Variants in SLC17A6 observed in about 807,000 individuals in gnomAD.
SLC17A6 encodes the protein solute carrier family 17 member 6.
SLC17A6 carries 35 observed loss-of-function variants against 67.1 expected under a neutral mutation model. The observed-to-expected ratio is 0.52, with a 90% confidence interval of 0.40 to 0.69. The LOEUF is 0.69. SLC17A6 is among the 30% of genes least tolerant of loss of function. The pLI, the probability that SLC17A6 is intolerant of heterozygous loss-of-function variation, is 0.00. For missense variants in SLC17A6, 588 were observed against 723.9 expected (o/e 0.81, Z 2.15); for synonymous variants, 285 against 252.3 (o/e 1.13, Z -1.23).
At chr11:22,371,306 C>T (rs1856172383) in intron 8 of SLC17A6, among the ~76,000 whole-genome samples, 1 of 152,036 alleles carries the variant, frequency 6.6e-6, no homozygotes, top group African/African-American at 2.4e-5. Context: ...TATTCATATT[C>T]TATCTCTACT....
intron 3 of SLC17A6, among the ~76,000 whole-genome samples, chr11:22,355,296 G>A (rs1316602563): frequency 6.6e-6 from 1 of 152,142 alleles, no homozygotes; most frequent in Non-Finnish European, 1.5e-5. Context: ...GAAGTTTAGG[G>A]AAGTTAAACA....
chr11:22,346,618 A>C (rs1295330977), intron 3 of SLC17A6, among the ~76,000 whole-genome samples: 1 of 151,628 alleles, frequency 6.6e-6, no homozygotes, highest in Non-Finnish European at 1.5e-5. Context: ...TTAATGTTTT[A>C]AGATGAGAAC....
At chr11:22,339,986 A>C (rs1486094307) in intron 1 of SLC17A6, among the ~76,000 whole-genome samples, 1 of 152,116 alleles carries the variant, frequency 6.6e-6, no homozygotes, top group East Asian at 1.9e-4. Context: ...TTGTGATCGG[A>C]CTTTAAGAAT....
In SLC17A6 at chr11:22,377,723, C is replaced by T. The variant is rs770125414; in HGVS notation, c.1732C>T (p.Arg578Ter). The T allele has an allele frequency of 5.7e-6, 9 of 1,571,538 alleles. No individual in the cohort carries two copies. Among genetic ancestry groups the T allele is most frequent in the South Asian group, 1.2e-5 (1 of 84,126 alleles). The change falls in exon 12 of 12, where the codon CGA (arginine) becomes TGA (stop). Residue 578 changes from arginine to a stop codon, truncating the protein, a stop_gained. Coordinates refer to ENST00000263160, the MANE Select transcript of SLC17A6 (RefSeq NM_020346.3). LOFTEE classifies it high-confidence loss of function. Reference protein sequence around the residue: ...EVQDSHSYKDRVDYS With the variant: ...EVQDSHSYKD ...ACAAGACTCACATAGCTATAAGGAC[C>T]GAGTTGATTATTCATAACAAAACTA...
At chr11:22,358,111 T>C (rs1368333655) in intron 3 of SLC17A6, among the ~76,000 whole-genome samples, 2 of 152,168 alleles carry the variant, frequency 1.3e-5, no homozygotes, top group African/African-American at 4.8e-5. Context: ...CATTTAAAAG[T>C]GCCCACAAGA....
At chr11:22,357,986 T>C (rs1856009658) in intron 3 of SLC17A6, among the ~76,000 whole-genome samples, 1 of 152,164 alleles carries the variant, frequency 6.6e-6, no homozygotes, top group African/African-American at 2.4e-5. Context: ...TAGTATATAA[T>C]CAATAGAAAA....
intron 3 of SLC17A6, among the ~76,000 whole-genome samples, chr11:22,357,317 AT>A (rs1282793428): frequency 1.3e-5 from 2 of 152,240 alleles, no homozygotes; most frequent in Admixed American, 6.5e-5. Context: ...AGCAAGTCGA[AT>A]AAGCACTCAT....
At chr11:22,374,526 C>CA (rs11424894) in intron 8 of SLC17A6, among the ~76,000 whole-genome samples, 29,370 of 147,736 alleles carry the variant, frequency 0.2, 2,939 homozygotes, top group Middle Eastern at 0.25. Context: ...CATTACGTGG[C>CA]AAAAAAAAAA....
chr11:22,364,319 T>G (rs967144614), intron 6 of SLC17A6, among the ~76,000 whole-genome samples: 11 of 152,152 alleles, frequency 7.2e-5, no homozygotes, highest in African/African-American at 2.4e-4. Flanking sequence ...TCTCTCATTT[T>G]TTGAAAGCTT....
At chr11:22,369,349 T>C (rs1856147837) in intron 7 of SLC17A6, among the ~76,000 whole-genome samples, 1 of 152,012 alleles carries the variant, frequency 6.6e-6, no homozygotes, top group Admixed American at 6.6e-5. Context: ...TAATGTTGAA[T>C]GCTTTGAATA....
chr11:22,373,992 T>C (rs1287531402), intron 8 of SLC17A6, among the ~76,000 whole-genome samples: 1 of 152,232 alleles, frequency 6.6e-6, no homozygotes, highest in African/African-American at 2.4e-5. Flanking sequence ...CCTTATGTGT[T>C]TACATTCAAA....
At chr11:22,365,096 A>G (rs570456742) in intron 6 of SLC17A6, among the ~76,000 whole-genome samples, 15 of 152,292 alleles carry the variant, frequency 9.8e-5, no homozygotes, top group African/African-American at 3.6e-4. Flanking sequence ...GAAAAGAGCA[A>G]TTCTTTTCTC....
chr11:22,373,375 A>G (rs1856195308), intron 8 of SLC17A6, among the ~76,000 whole-genome samples: 1 of 152,170 alleles, frequency 6.6e-6, no homozygotes, highest in African/African-American at 2.4e-5. Flanking sequence ...TTCTTTCTAC[A>G]CATTGACTGC....
Position 22,378,617 on chromosome 11 carries a change from T to G in SLC17A6, c.*877T>G, listed in dbSNP as rs1381197698. 1 of 152,494 alleles carries G rather than the reference T, an allele frequency of 6.6e-6. No homozygotes were observed. Among genetic ancestry groups the G allele is most frequent in the South Asian group, 2.1e-4 (1 of 4,830 alleles). 9.4% of individuals were successfully genotyped at this position (152,494 alleles called of 1,614,324 possible). ...TAATAAGAAATTTATTATGGAGATA[T>G]AGCCCTTAAAATGCAATATTAAGAA... On this transcript the variant is annotated 3_prime_UTR_variant, in exon 12 of 12. Coordinates refer to ENST00000263160, the MANE Select transcript of SLC17A6 (RefSeq NM_020346.3).
intron 3 of SLC17A6, among the ~76,000 whole-genome samples, chr11:22,348,077 A>G (rs190693267): frequency 1.3e-5 from 2 of 152,272 alleles, no homozygotes; most frequent in African/African-American, 4.8e-5. Flanking sequence ...CTCTCATTTT[A>G]CAGAGCAGGA....
intron 5 of SLC17A6, among the ~76,000 whole-genome samples, chr11:22,361,743 A>G (rs1252382738): frequency 6.6e-6 from 1 of 152,196 alleles, no homozygotes; most frequent in Non-Finnish European, 1.5e-5. Context: ...CTTTTAAAAC[A>G]TTTTAAGACA....
chr11:22,359,677 C>G, intron 4 of SLC17A6, 150 bp downstream of exon 4: 1 of 415,200 alleles, frequency 2.4e-6, no homozygotes, highest in Non-Finnish European at 4.2e-6. Context: ...AAATGTTAGA[C>G]AGTCAGATAT....
chr11:22,357,828 A>C (rs1856007776), intron 3 of SLC17A6, among the ~76,000 whole-genome samples: 1 of 152,256 alleles, frequency 6.6e-6, no homozygotes. Flanking sequence ...TTGGCTTAAA[A>C]CAAAAGGACA....
chr11:22,349,140 CAAG>C lies in SLC17A6; in HGVS notation c.458+5779_458+5781del, dbSNP rs548593129. Among the ~76,000 whole-genome samples, 593 of 152,276 alleles carry C rather than the reference CAAG, an allele frequency of 3.9e-3. 3 individuals are homozygous for C. The highest frequency in any genetic ancestry group is 0.01 in the Middle Eastern group (3 of 294). ...TACCTATCCATTGCAACCTCCATTG[CAAG>C]AAGGAGTTCCTCAATCCTTCCAGTG... On this transcript the variant is annotated intron_variant, in intron 3 of 11. Transcript: ENST00000263160.
Sources: allele counts gnomAD v4.1 joint callset (sites outside exome capture counted in the v4.1 genomes callset), GRCh38; gene constraint gnomAD v4.1.1; transcripts MANE v1.5; gene names NCBI Gene and HGNC (gene_info 2026-07-23, HGNC 2026-07-21).